TBC1D7: variants seen among roughly 807,000 people sequenced by gnomAD.
TBC1D7 encodes the protein TBC1 domain family member 7.
In TBC1D7, 33 loss-of-function variants were observed where a neutral mutation model predicts 35.3. The observed-to-expected ratio is 0.93, with a 90% CI of 0.71 to 1.25. The LOEUF is 1.25. Ranked by LOEUF, TBC1D7 falls within the 50% of genes most tolerant of loss-of-function variation. The pLI, the probability that TBC1D7 is intolerant of heterozygous loss-of-function variation, is 0.00. For synonymous variants in TBC1D7, 135 were observed against 129.5 expected, an observed-to-expected ratio of 1.04 and a Z score of -0.29; for missense variants, 362 against 365.3, an observed-to-expected ratio of 0.99 and a Z score of 0.07.
chr6:13,325,965 C>T (rs924239003), intron 2 of TBC1D7, among the ~76,000 whole-genome samples: 2 of 152,244 alleles, frequency 1.3e-5, no homozygotes, highest in Admixed American at 6.5e-5. Context: ...AAGGAGAATA[C>T]CAGACATACT....
chr6:13,314,691 A>T (rs1783477324), intron 5 of TBC1D7, among the ~76,000 whole-genome samples: 2 of 152,208 alleles, frequency 1.3e-5, no homozygotes, highest in African/African-American at 4.8e-5. Flanking sequence ...GTGTTCTCAG[A>T]AGCTGAAGGG....
intron 5 of TBC1D7, among the ~76,000 whole-genome samples, chr6:13,315,482 G>C (rs1192879489): frequency 1.3e-5 from 2 of 152,184 alleles, no homozygotes; most frequent in African/African-American, 4.8e-5. Context: ...GGGAGGCCAA[G>C]GTGGGCGGAT....
chr6:13,311,504 T>TTA (rs1783209944), intron 5 of TBC1D7, among the ~76,000 whole-genome samples: 1 of 152,192 alleles, frequency 6.6e-6, no homozygotes, highest in South Asian at 2.1e-4. Flanking sequence ...TGTTATAAGA[T>TTA]AGACTAAAGA....
Position 13,306,445 on chromosome 6 carries a change from CTTTTA to C in TBC1D7, c.743_747del (p.Ile248SerfsTer31), listed in dbSNP as rs768056442. 6 of 1,609,466 alleles carry C rather than the reference CTTTTA, an allele frequency of 3.7e-6. No individual in the cohort carries two copies. The highest frequency in any genetic ancestry group is 2.2e-5 in the South Asian group (2 of 90,300). On this transcript the variant is annotated frameshift_variant, in exon 7 of 8. Coordinates refer to ENST00000379300, the MANE Select transcript of TBC1D7 (RefSeq NM_016495.6). LOFTEE classifies it high-confidence loss of function. ...TTCTCTGCACTGTTCAGTGCCATAA[CTTTTA>C]TTTTAAAGGTTAATAAAATTTCGAC...
intron 2 of TBC1D7, among the ~76,000 whole-genome samples, chr6:13,325,652 C>A (rs1264270360): frequency 6.6e-6 from 1 of 152,164 alleles, no homozygotes; most frequent in African/African-American, 2.4e-5. Context: ...AAGAGTGAGA[C>A]TCTGTGTTAA....
intron 5 of TBC1D7, among the ~76,000 whole-genome samples, chr6:13,313,815 T>C (rs896524765): frequency 1.3e-5 from 2 of 152,144 alleles, no homozygotes; most frequent in Non-Finnish European, 2.9e-5. Context: ...ATGGTAATTT[T>C]TAAAAGCTCC....
intron 2 of TBC1D7, among the ~76,000 whole-genome samples, chr6:13,326,293 T>C (rs2127545006): frequency 6.6e-6 from 1 of 151,996 alleles, no homozygotes; most frequent in Non-Finnish European, 1.5e-5. Flanking sequence ...TGAAATCCTG[T>C]CTCTACTAAA....
chr6:13,309,384 T>C (rs1335211488), intron 5 of TBC1D7, among the ~76,000 whole-genome samples: 4 of 152,236 alleles, frequency 2.6e-5, no homozygotes, highest in Non-Finnish European at 5.9e-5. Context: ...GTATCTGTTT[T>C]GTTCACTGCT....
In TBC1D7 at chr6:13,325,106, T is replaced by G; in HGVS notation, c.181A>C (p.Lys61Gln). The change falls in exon 3 of 8, where the codon AAG (lysine) becomes CAG (glutamine). Residue 61 changes from lysine to glutamine, a missense_variant. Lys to Gln is a moderately conservative substitution (Grantham distance 53, BLOSUM62 1). Coordinates refer to ENST00000379300, the MANE Select transcript of TBC1D7 (RefSeq NM_016495.6). ...LPSMYRALVW[K>Q]VLLGILPPHH... ...CTGGGTCTCATACCTAGAAGCACCT[T>G]CCATACCAATGCACGGTACATGGAC... The G allele has an allele frequency of 6.2e-7, 1 of 1,612,882 alleles. No homozygotes were observed. Among genetic ancestry groups the G allele is most frequent in the Non-Finnish European group, 8.5e-7 (1 of 1,179,284 alleles).
At chr6:13,305,541 C>T (rs945445297) in intron 7 of TBC1D7, 3 of 296,464 alleles carry the variant, frequency 1.0e-5, no homozygotes, top group African/African-American at 2.3e-5. Flanking sequence ...GCACAGGCTT[C>T]GCACTGCTAG....
Position 13,310,637 on chromosome 6 carries a change from CA to C in TBC1D7, c.520-2893del, listed in dbSNP as rs546122443. Among the ~76,000 whole-genome samples, 117 of 72,974 alleles carry C rather than the reference CA, an allele frequency of 1.6e-3. 3 individuals are homozygous for C. Among genetic ancestry groups the C allele is most frequent in the South Asian group, 1.7e-3 (3 of 1,744 alleles). The allele number at this position is 72,974 out of a possible 152,430, so 47.9% of individuals were successfully genotyped here. A position where few individuals can be genotyped will look rare whatever the true frequency, so the allele number is the denominator to read the frequency against. ...TGGGTGACAGAGCGAGACTCCGTCT[CA>C]AAAAAAAAAAAAAAAGAATATTGTT... On this transcript the variant is annotated intron_variant, in intron 5 of 7. Transcript: ENST00000379300.
At chr6:13,313,092 G>C (rs945615993) in intron 5 of TBC1D7, among the ~76,000 whole-genome samples, 2 of 152,122 alleles carry the variant, frequency 1.3e-5, no homozygotes, top group African/African-American at 2.4e-5. Context: ...AAAGTATACA[G>C]GAAGAGATGT....
chr6:13,315,075 T>A (rs1047229589), intron 5 of TBC1D7, among the ~76,000 whole-genome samples: 3 of 151,988 alleles, frequency 2.0e-5, no homozygotes, highest in African/African-American at 4.8e-5. Context: ...CAGCTTTTTT[T>A]AAAAAAAGAA....
Position 13,320,818 on chromosome 6 carries a change from G to C in TBC1D7, c.381+90C>G, listed in dbSNP as rs769337956. 3 of 1,340,244 alleles carry C rather than the reference G, an allele frequency of 2.2e-6. No homozygotes were observed. The Admixed American group carries it at 5.0e-5, about 22-fold the overall frequency. The allele number at this position is 1,340,244 out of a possible 1,614,324, so 83.0% of individuals were successfully genotyped here. ...TAATAACAACAGGGAGCCACCAAAA[G>C]TTTTTAAGGCAAAACATGATGTAAT... On this transcript the variant is annotated intron_variant, in intron 4 of 7. Coordinates refer to ENST00000379300, the MANE Select transcript of TBC1D7 (RefSeq NM_016495.6).
chr6:13,321,867 A>G (rs1784067804), intron 3 of TBC1D7, among the ~76,000 whole-genome samples: 1 of 152,104 alleles, frequency 6.6e-6, no homozygotes, highest in Non-Finnish European at 1.5e-5. Context: ...CCCCAAGAGA[A>G]AAAAAAATGC....
chr6:13,307,536 C>A, intron 6 of TBC1D7, 64 bp downstream of exon 6: 1 of 1,548,868 alleles, frequency 6.5e-7, no homozygotes, highest in Non-Finnish European at 8.9e-7. Context: ...GGGATGACCA[C>A]ATGAAAGGCC....
chr6:13,305,092 C>A lies in TBC1D7; in HGVS notation c.*9G>T. 6.2e-7 allele frequency: 1 copy of A among 1,601,662 alleles called. No individual in the cohort carries two copies. Among genetic ancestry groups the A allele is most frequent in the East Asian group, 2.3e-5 (1 of 44,220 alleles). On this transcript the variant is annotated 3_prime_UTR_variant, in exon 8 of 8. Coordinates refer to ENST00000379300, the MANE Select transcript of TBC1D7 (RefSeq NM_016495.6). The stretch of plus-strand genomic sequence containing the variant: ...TGCCTGGCAGACGGTCCACAACCAG[C>A]GGGTGCGTTCAGCTTGAATGGACCG...
intron 4 of TBC1D7, chr6:13,320,559 T>C: frequency 1.8e-6 from 1 of 570,746 alleles, no homozygotes; most frequent in Non-Finnish European, 3.1e-6. Flanking sequence ...ACCTACAATT[T>C]TTTATTTTTT....
chr6:13,306,579 T>G, intron 6 of TBC1D7, 52 bp from the exon 7 acceptor site: 2 of 1,387,082 alleles, frequency 1.4e-6, no homozygotes, highest in Non-Finnish European at 1.9e-6. Context: ...GAATTATGTT[T>G]AGCCTAGACA....
Sources: allele counts gnomAD v4.1 joint callset (sites outside exome capture counted in the v4.1 genomes callset), GRCh38; gene constraint gnomAD v4.1.1; transcripts MANE v1.5; gene names NCBI Gene and HGNC (gene_info 2026-07-23, HGNC 2026-07-21).